The following STK3 variants were observed in gnomAD, a reference collection of about 807,000 sequenced individuals.
STK3 encodes the protein serine/threonine kinase 3, also known as serine/threonine-protein kinase 3.
STK3 carries 41 observed loss-of-function variants against 58.0 expected under a neutral mutation model. The ratio of observed to expected loss-of-function variants is 0.71; its 90% confidence interval spans 0.55 to 0.92. STK3 has a LOEUF of 0.92. Among genes scored for constraint, STK3 ranks in the 40% least tolerant of loss-of-function variants. The pLI is 0.00. For synonymous variants in STK3, 170 were observed against 191.0 expected (o/e 0.89, Z 0.91); for missense variants, 479 against 602.7 (o/e 0.79, Z 2.15).
At chr8:98,600,783 G>A (rs1816279158) in intron 6 of STK3, among the ~76,000 whole-genome samples, 1 of 152,010 alleles carries the variant, frequency 6.6e-6, no homozygotes, top group Non-Finnish European at 1.5e-5. Flanking sequence ...ATAACATAAA[G>A]TAACATATTG....
At chr8:98,415,613 T>G (rs1818107009) in intron 3 of STK3, among the ~76,000 whole-genome samples, 1 of 152,224 alleles carries the variant, frequency 6.6e-6, no homozygotes, top group Non-Finnish European at 1.5e-5. Context: ...TGACCCCTTT[T>G]CTTCTGAGAG....
chr8:98,389,137 G>A (rs1254195396), upstream of STK3, among the ~76,000 whole-genome samples: 1 of 152,184 alleles, frequency 6.6e-6, no homozygotes, highest in African/African-American at 2.4e-5. Flanking sequence ...CCCTTACTCA[G>A]AATATTCTCC....
At chr8:98,933,383 G>A (rs1840072451) in intron 1 of STK3, among the ~76,000 whole-genome samples, 1 of 152,200 alleles carries the variant, frequency 6.6e-6, no homozygotes, top group African/African-American at 2.4e-5. Context: ...ACAAGGCATA[G>A]CTTACAGATG....
In STK3 at chr8:98,825,507, T is replaced by C; in HGVS notation, c.26+8A>G. 3 of 1,444,914 alleles carry C rather than the reference T, an allele frequency of 2.1e-6. No homozygotes were observed. The highest frequency in any genetic ancestry group is 2.7e-6 in the Non-Finnish European group (3 of 1,092,136). 89.5% of individuals were successfully genotyped at this position (1,444,914 alleles called of 1,614,324 possible). ...TTCCCTCCTTCTTCCCGCTCCCCGA[T>C]TCGTTACCTCTTAGGCGCCGGCGGC... On this transcript the variant is annotated splice_region_variant and intron_variant, in intron 1 of 10. Transcript: ENST00000419617.
intron 2 of STK3, chr8:98,371,685 G>A (rs572934210): frequency 6.6e-6 from 1 of 152,382 alleles, no homozygotes; most frequent in African/African-American, 2.4e-5. Flanking sequence ...ACACCTGCAG[G>A]AGAACAGAAC....
intron 3 of STK3, among the ~76,000 whole-genome samples, chr8:98,760,200 G>A (rs892794079): frequency 5.3e-5 from 8 of 152,062 alleles, no homozygotes; most frequent in Non-Finnish European, 8.8e-5. Context: ...AGAGTGCAGT[G>A]GCACAATCAT....
intron 6 of STK3, among the ~76,000 whole-genome samples, chr8:98,687,188 CAT>C (rs1012778793): frequency 5.9e-5 from 9 of 152,138 alleles, no homozygotes; most frequent in Admixed American, 3.3e-4. Context: ...AGAAAAGTGT[CAT>C]ATGACCTGTA....
intron 4 of STK3, among the ~76,000 whole-genome samples, chr8:98,720,071 T>C (rs971350714): frequency 3.3e-5 from 5 of 152,238 alleles, no homozygotes; most frequent in Non-Finnish European, 7.3e-5. Context: ...TATTAAGGCT[T>C]ATAAGCAGTA....
intron 1 of STK3, among the ~76,000 whole-genome samples, chr8:98,929,297 A>G (rs1273826225): frequency 6.6e-6 from 1 of 152,186 alleles, no homozygotes; most frequent in Non-Finnish European, 1.5e-5. Flanking sequence ...AAAACTAACT[A>G]GAGAAACTAA....
At chr8:98,552,427 C>T (rs776514807) in intron 8 of STK3, among the ~76,000 whole-genome samples, 1 of 152,094 alleles carries the variant, frequency 6.6e-6, no homozygotes, top group Non-Finnish European at 1.5e-5. Context: ...CTAGTAATAT[C>T]TGCCAATCCC....
intron 1 of STK3, among the ~76,000 whole-genome samples, chr8:98,386,748 A>G (rs1393022050): frequency 1.3e-5 from 2 of 152,096 alleles, no homozygotes; most frequent in Non-Finnish European, 2.9e-5. Context: ...GGGAGGCCAC[A>G]GTGGGTATAT....
At position 98,942,197 on chromosome 8, in the gene STK3, C is replaced by T. The variant is rs1174288372; in HGVS notation, c.-79+181G>A. ...CTGGAGAAACACAAGGGTCAGCCCC[C>T]AGTGGGCGCAGAGGTGGCCCAGGAG... On this transcript the variant is annotated intron_variant, in intron 1 of 1. Coordinates refer to the STK3 transcript ENST00000519420. Among the ~76,000 whole-genome samples, 4 of 152,324 alleles carry T rather than the reference C, an allele frequency of 2.6e-5. No homozygotes were observed. In the East Asian group the frequency reaches 5.8e-4, roughly 22 times the overall value.
chr8:98,606,256 G>A (rs946633391), intron 6 of STK3: 2 of 152,158 alleles, frequency 1.3e-5, no homozygotes, highest in African/African-American at 4.8e-5. Flanking sequence ...TTTAAGATGG[G>A]TGGTTGAACA....
chr8:98,835,254 T>G (rs1049617172), intron 3 of STK3, among the ~76,000 whole-genome samples: 4 of 152,166 alleles, frequency 2.6e-5, no homozygotes, highest in African/African-American at 9.7e-5. Flanking sequence ...TCTTCTCAAC[T>G]CTAGATTGAT....
intron 6 of STK3, among the ~76,000 whole-genome samples, chr8:98,655,574 G>A (rs1156491393): frequency 7.9e-5 from 12 of 151,464 alleles, no homozygotes; most frequent in Admixed American, 2.0e-4. Flanking sequence ...GAAAATTTTC[G>A]CAACCTACTC....
At chr8:98,893,632 A>T (rs549368268) in intron 1 of STK3, among the ~76,000 whole-genome samples, 55 of 148,384 alleles carry the variant, frequency 3.7e-4, no homozygotes, top group African/African-American at 1.4e-3. Context: ...AAAAGAACTT[A>T]AAAAAAAAAG....
At chr8:98,673,469 T>C (rs1296006809) in intron 6 of STK3, among the ~76,000 whole-genome samples, 2 of 152,112 alleles carry the variant, frequency 1.3e-5, no homozygotes, top group African/African-American at 4.8e-5. Context: ...ACAACATAAA[T>C]GAACCTCAAA....
At chr8:98,519,540 A>T (rs1326365777) in intron 10 of STK3, among the ~76,000 whole-genome samples, 4 of 152,162 alleles carry the variant, frequency 2.6e-5, no homozygotes, top group Non-Finnish European at 4.4e-5. Context: ...CTCCAGCAGC[A>T]GGGTTGGTAC....
At chr8:98,862,853 G>A (rs1305466020) in intron 3 of STK3, among the ~76,000 whole-genome samples, 1 of 152,204 alleles carries the variant, frequency 6.6e-6, no homozygotes, top group African/African-American at 2.4e-5. Flanking sequence ...AGTGACAGAT[G>A]TCTAGTATTT....
Sources: allele counts gnomAD v4.1 joint callset (sites outside exome capture counted in the v4.1 genomes callset), GRCh38; gene constraint gnomAD v4.1.1; transcripts MANE v1.5; gene names NCBI Gene and HGNC (gene_info 2026-07-23, HGNC 2026-07-21).